Variants in PCDHGA4 observed in about 807,000 individuals in gnomAD.
PCDHGA4 encodes the protein protocadherin gamma-A4.
In PCDHGA4, 38 loss-of-function variants were observed where a neutral mutation model predicts 54.6. The ratio of observed to expected loss-of-function variants is 0.70; its 90% CI spans 0.54 to 0.91. PCDHGA4 has a LOEUF of 0.91. PCDHGA4 is among the 40% of genes least tolerant of loss of function. PCDHGA4 has a pLI of 0.00. For missense variants in PCDHGA4, 1,298 were observed against 1,220.9 expected (o/e 1.06, Z -0.94); for synonymous variants, 511 against 512.9 (o/e 1.00, Z 0.05).
rs2099745591 is a variant in PCDHGA4, at chr5:141,492,999, T to C, written c.2515-1808T>C. Among the ~76,000 whole-genome samples, 3 of 152,350 alleles carry C rather than the reference T, an allele frequency of 2.0e-5. No homozygotes were observed. In the South Asian group the frequency reaches 6.2e-4, roughly 32 times the overall value. ...CTGTCTCCTCTGGCAGATGGAAAGCTATAGGCTCTGCCAGATGCCAGGGTG... is the reference window on the plus strand; with the variant it reads ...CTGTCTCCTCTGGCAGATGGAAAGCCATAGGCTCTGCCAGATGCCAGGGTG... On this transcript the variant is annotated intron_variant, in intron 1 of 3. Coordinates refer to ENST00000571252, the MANE Select transcript of PCDHGA4 (RefSeq NM_018917.4).
At chr5:141,463,324 T>C (rs1413608053) in intron 1 of PCDHGA4, among the ~76,000 whole-genome samples, 1 of 150,722 alleles carries the variant, frequency 6.6e-6, no homozygotes, top group Non-Finnish European at 1.5e-5. Context: ...ATTCCTCAAC[T>C]CAGCAAAACC....
At chr5:141,365,827 G>T (rs746773273) in intron 1 of PCDHGA4, 5 of 1,613,872 alleles carry the variant, frequency 3.1e-6, no homozygotes, top group Admixed American at 1.7e-5. Flanking sequence ...TTCAGGGGGC[G>T]CCCTTGTCCT....
chr5:141,355,095 G>C lies in PCDHGA4; in HGVS notation c.-13G>C. On this transcript the variant is annotated 5_prime_UTR_variant, in exon 1 of 4. Coordinates refer to ENST00000571252, the MANE Select transcript of PCDHGA4 (RefSeq NM_018917.4). ...AAAGCTTCAAGCGGAAGCCCTGAGA[G>C]CTCTGGCTGTGAATGCACTTTATTT... 2.0e-6 allele frequency: 3 copies of C among 1,488,958 alleles called. No homozygotes were observed. In the South Asian group the frequency reaches 4.2e-5, roughly 21 times the overall value. The allele number at this position is 1,488,958 out of a possible 1,614,324, so 92.2% of individuals were successfully genotyped here. A position where few individuals can be genotyped will look rare whatever the true frequency, so the allele number is the denominator to read the frequency against.
Position 141,485,835 on chromosome 5 carries a change from C to T in PCDHGA4, c.2515-8972C>T, listed in dbSNP as rs747722740. On this transcript the variant is annotated intron_variant, in intron 1 of 3. Transcript: ENST00000571252. This position sits in a 1 kb window ranked among gnomAD's most constrained non-coding sequence, Gnocchi z 5.7. ...ACTGCTGTCGATGGAGGGAACCCGC[C>T]GAGATCTGGCACCGCAGAGCTCCGG... 6.2e-7 allele frequency: 1 copy of T among 1,614,190 alleles called. No homozygotes were observed. Among genetic ancestry groups the T allele is most frequent in the Non-Finnish European group, 8.5e-7 (1 of 1,180,048 alleles).
chr5:141,393,412 T>A (rs1382243931), intron 1 of PCDHGA4: 3 of 1,614,032 alleles, frequency 1.9e-6, no homozygotes, highest in South Asian at 1.1e-5. Flanking sequence ...GAGCGCGCCC[T>A]GGACAGGGAG....
chr5:141,403,580 C>G, intron 1 of PCDHGA4: 1 of 1,613,942 alleles, frequency 6.2e-7, no homozygotes, highest in Non-Finnish European at 8.5e-7. Flanking sequence ...TGCCCACCAC[C>G]TGGTCCTCAC....
chr5:141,421,515 C>A, intron 1 of PCDHGA4: 3 of 1,614,080 alleles, frequency 1.9e-6, no homozygotes, highest in Non-Finnish European at 2.5e-6. Context: ...GGGAGGAGCT[C>A]TGTGAGACGG....
intron 1 of PCDHGA4, among the ~76,000 whole-genome samples, chr5:141,463,999 C>A (rs1261262637): frequency 1.3e-5 from 2 of 152,056 alleles, no homozygotes; most frequent in African/African-American, 4.8e-5. Flanking sequence ...GGTGCAGTGG[C>A]TCATGCTTGT....
rs946434728 is a variant in PCDHGA4, at chr5:141,428,357, C to A, written c.2515-66450C>A. On this transcript the variant is annotated intron_variant, in intron 1 of 3. Coordinates refer to ENST00000571252, the MANE Select transcript of PCDHGA4 (RefSeq NM_018917.4). ...CTCTTCTTCCTCGCAGTGATTTTGG[C>A]GGTCGCCTTGCACCTGCGATGCTCT... is the stretch of plus-strand genomic sequence containing the variant. The A allele has an allele frequency of 1.2e-5, 7 of 565,506 alleles. No individual in the cohort carries two copies. The East Asian group carries it at 2.0e-4, about 16-fold the overall frequency. The allele number at this position is 565,506 out of a possible 1,614,324, so 35.0% of individuals were successfully genotyped here.
intron 1 of PCDHGA4, chr5:141,413,386 GTC>G: frequency 6.2e-7 from 1 of 1,614,002 alleles, no homozygotes; most frequent in Non-Finnish European, 8.5e-7. Context: ...AGTCCGCATA[GTC>G]TCCAGAGGTA....
chr5:141,477,794 C>G lies in PCDHGA4; in HGVS notation c.2515-17013C>G, dbSNP rs148942362. The G allele has an allele frequency of 6.2e-7, 1 of 1,614,086 alleles. No individual in the cohort carries two copies. The highest frequency in any genetic ancestry group is 1.1e-5 in the South Asian group (1 of 91,082). On this transcript the variant is annotated intron_variant, in intron 1 of 3. Transcript: ENST00000571252. This position sits in a 1 kb window ranked among gnomAD's most constrained non-coding sequence, Gnocchi z 4.9. ...CAGCGTGAACATATTTGTCACTGAT[C>G]GCAATGACAATGCCCCCCAGGTCCT...
In PCDHGA4 at chr5:141,361,408, A is replaced by C. The variant is rs1561523474; in HGVS notation, c.2514+3787A>C. ...AGAATACAATCTCACCATCACAGCC[A>C]CCGACGGGGGCAAGCCGCCCCTCTC... On this transcript the variant is annotated intron_variant, in intron 1 of 3. Coordinates refer to ENST00000571252, the MANE Select transcript of PCDHGA4 (RefSeq NM_018917.4). The C allele has an allele frequency of 3.1e-6, 5 of 1,614,054 alleles. No homozygotes were observed. In the South Asian group the frequency reaches 5.5e-5, roughly 18 times the overall value.
At chr5:141,422,424 T>G (rs1182660567) in intron 1 of PCDHGA4, 3 of 1,607,958 alleles carry the variant, frequency 1.9e-6, no homozygotes, top group Non-Finnish European at 2.5e-6. Flanking sequence ...AAAAGACTTA[T>G]GGAAATTATT....
At position 141,399,372 on chromosome 5, in the gene PCDHGA4, T is replaced by A; in HGVS notation, c.2514+41751T>A. The A allele has an allele frequency of 1.2e-6, 2 of 1,613,970 alleles. 1 individual carries two copies. The highest frequency in any genetic ancestry group is 2.2e-5 in the South Asian group (2 of 91,086). On this transcript the variant is annotated intron_variant, in intron 1 of 3. Transcript: ENST00000571252. ...ACCGAGAGCAAACCCCGGAGTACAATGTCACCATCACAGCCACAGACAGGG... is the reference window on the plus strand; with the variant it reads ...ACCGAGAGCAAACCCCGGAGTACAAAGTCACCATCACAGCCACAGACAGGG...
chr5:141,441,838 C>A, intron 1 of PCDHGA4: 1 of 355,582 alleles, frequency 2.8e-6, no homozygotes, highest in Non-Finnish European at 5.5e-6. Context: ...TGGCTTCGCG[C>A]TCTTGGATAT....
intron 1 of PCDHGA4, chr5:141,415,222 G>C (rs2095844564): frequency 1.2e-6 from 2 of 1,613,990 alleles, no homozygotes; most frequent in African/African-American, 2.7e-5. Context: ...CGGCAGCTTC[G>C]AGTCTCCAGC....
At position 141,472,368 on chromosome 5, in the gene PCDHGA4, C is replaced by T. The variant is rs555805048; in HGVS notation, c.2515-22439C>T. ...CATCCTGGCTAACACGGTGAAACCC[C>T]GTCTCCACTAAAAATAGAAAAAATT... is the stretch of plus-strand genomic sequence containing the variant. On this transcript the variant is annotated intron_variant, in intron 1 of 3. Transcript: ENST00000571252. Among the ~76,000 whole-genome samples, 214 of 152,012 alleles carry T rather than the reference C, an allele frequency of 1.4e-3. 1 individual carries two copies. The highest frequency in any genetic ancestry group is 4.8e-3 in the African/African-American group (199 of 41,452).
intron 1 of PCDHGA4, chr5:141,399,573 A>T (rs1431985190): frequency 6.2e-7 from 1 of 1,614,020 alleles, no homozygotes; most frequent in Admixed American, 1.7e-5. Flanking sequence ...TGAACGGCCA[A>T]GTCTCCTACT....
At chr5:141,388,340 T>C in intron 1 of PCDHGA4, 1 of 1,613,994 alleles carries the variant, frequency 6.2e-7, no homozygotes, top group South Asian at 1.1e-5. Context: ...GCACACGATT[T>C]ATATTAGGAT....
Sources: gnomAD v4.1 joint callset for allele counts (sites outside exome capture counted in the v4.1 genomes callset) on GRCh38, gnomAD v4.1.1 for gene constraint, Gnocchi (gnomAD v3.1) non-coding constraint, MANE v1.5 for transcripts, NCBI Gene and HGNC (gene_info 2026-07-23, HGNC 2026-07-21) for gene names.